RBFOX1: variants seen among roughly 807,000 people sequenced by gnomAD.
The protein encoded by RBFOX1 is RNA binding protein fox-1 homolog 1.
A neutral mutation model predicts 57.7 loss-of-function variants in RBFOX1; 8 were observed. That is an observed-to-expected ratio of 0.14 (90% CI 0.08 to 0.25). RBFOX1 has a LOEUF of 0.25. Among genes scored for constraint, RBFOX1 ranks in the 10% least tolerant of loss-of-function variants. The pLI is 1.00. For synonymous variants in RBFOX1, 326 were observed against 222.4 expected (o/e 1.47, Z -4.15); for missense variants, 611 against 548.5 (o/e 1.11, Z -1.14).
intron 4 of RBFOX1, among the ~76,000 whole-genome samples, chr16:7,217,031 C>CCCTCCCTT (rs2092197276): frequency 1.4e-5 from 1 of 71,558 alleles, no homozygotes; most frequent in Admixed American, 1.4e-4. Flanking sequence ...CTCCCTCCCT[C>CCCTCCCTT]CCTCCCTCCC....
At chr16:7,177,216 A>G (rs945732880) in intron 4 of RBFOX1, among the ~76,000 whole-genome samples, 1 of 152,322 alleles carries the variant, frequency 6.6e-6, no homozygotes, top group African/African-American at 2.4e-5. Context: ...ACCGCTTCCA[A>G]TCAAAGGGGA....
intron 3 of RBFOX1, among the ~76,000 whole-genome samples, chr16:6,793,024 A>G (rs1038845305): frequency 6.1e-5 from 8 of 131,160 alleles, no homozygotes; most frequent in Non-Finnish European, 1.4e-4. Context: ...GTGAGACTCC[A>G]TCTGAAAAAA....
At chr16:7,688,742 G>C (rs886464443) in intron 14 of RBFOX1, among the ~76,000 whole-genome samples, 1 of 152,086 alleles carries the variant, frequency 6.6e-6, no homozygotes, top group Non-Finnish European at 1.5e-5. Context: ...GATTAGTCAG[G>C]CTAGTGACAT....
chr16:7,272,698 G>C (rs1234158441), intron 4 of RBFOX1, among the ~76,000 whole-genome samples: 1 of 152,124 alleles, frequency 6.6e-6, no homozygotes, highest in Non-Finnish European at 1.5e-5. Flanking sequence ...AAACAAGGGA[G>C]AGGAGAGAGG....
chr16:7,041,420 T>C (rs533753298), intron 3 of RBFOX1, among the ~76,000 whole-genome samples: 2 of 152,300 alleles, frequency 1.3e-5, no homozygotes, highest in South Asian at 2.1e-4. Flanking sequence ...CTAATGTAGA[T>C]GAACCACAAT....
intron 2 of RBFOX1, among the ~76,000 whole-genome samples, chr16:6,632,480 C>A (rs935049214): frequency 2.6e-5 from 4 of 152,282 alleles, no homozygotes; most frequent in South Asian, 4.2e-4. Flanking sequence ...ATTTCCTTGG[C>A]TAAGTGTCTG....
In RBFOX1 at chr16:7,069,523, G is replaced by C. The variant is rs1439862872; in HGVS notation, c.27+17425G>C. Among the ~76,000 whole-genome samples, 4 of 152,170 alleles carry C rather than the reference G, an allele frequency of 2.6e-5. No homozygotes were observed. The East Asian group carries it at 5.8e-4, about 22-fold the overall frequency. ...TCATCTATGTCCTTGCAAAAGACAT[G>C]ATAGTGTGCTTTTACACTGAACCTC... On this transcript the variant is annotated intron_variant, in intron 4 of 15. Coordinates refer to ENST00000550418, the MANE Select transcript of RBFOX1 (RefSeq NM_018723.4).
chr16:5,605,854 A>C (rs150890647), intron 3 of RBFOX1, among the ~76,000 whole-genome samples: 1 of 152,068 alleles, frequency 6.6e-6, no homozygotes. Context: ...CCTTGAGAAC[A>C]GGAGGGGAGA....
At chr16:6,587,447 A>G (rs2097645733) in intron 2 of RBFOX1, among the ~76,000 whole-genome samples, 1 of 151,972 alleles carries the variant, frequency 6.6e-6, no homozygotes, top group African/African-American at 2.4e-5. Flanking sequence ...ATGCCTGGCT[A>G]ATTTTTGTAT....
At chr16:6,541,697 G>A (rs1438916262) in intron 2 of RBFOX1, among the ~76,000 whole-genome samples, 4 of 152,202 alleles carry the variant, frequency 2.6e-5, no homozygotes, top group Non-Finnish European at 4.4e-5. Context: ...GGCAAATGCT[G>A]TAGGTCAGAG....
chr16:5,659,567 T>C (rs1302081822), intron 3 of RBFOX1, among the ~76,000 whole-genome samples: 1 of 152,156 alleles, frequency 6.6e-6, no homozygotes, highest in Non-Finnish European at 1.5e-5. Flanking sequence ...CCTCCCAAAG[T>C]GCTGGGATTA....
At chr16:5,530,088 G>A (rs2044405288) in intron 2 of RBFOX1, among the ~76,000 whole-genome samples, 1 of 152,110 alleles carries the variant, frequency 6.6e-6, no homozygotes, top group African/African-American at 2.4e-5. Flanking sequence ...AATCACTCTT[G>A]TTTAAGCCAC....
chr16:5,812,553 G>A (rs2055472535), intron 3 of RBFOX1, among the ~76,000 whole-genome samples: 1 of 150,812 alleles, frequency 6.6e-6, no homozygotes, highest in Admixed American at 6.6e-5. Flanking sequence ...CGAACTCCTG[G>A]GCTCAGGGGG....
At chr16:6,511,502 T>C (rs1292003242) in intron 2 of RBFOX1, among the ~76,000 whole-genome samples, 1 of 152,194 alleles carries the variant, frequency 6.6e-6, no homozygotes, top group Non-Finnish European at 1.5e-5. Flanking sequence ...AAATTAGTTT[T>C]CATGTCTGCA....
intron 11 of RBFOX1, among the ~76,000 whole-genome samples, chr16:7,635,030 G>A (rs1011364786): frequency 1.3e-5 from 2 of 152,186 alleles, no homozygotes; most frequent in Non-Finnish European, 2.9e-5. Context: ...ATTCCATTCC[G>A]AAGGCCAGTG....
At chr16:6,385,970 C>A (rs1312659609) in intron 2 of RBFOX1, among the ~76,000 whole-genome samples, 1 of 148,890 alleles carries the variant, frequency 6.7e-6, no homozygotes, top group South Asian at 2.1e-4. Context: ...GAGTCTTGCT[C>A]TGTCGCCCAG....
chr16:6,623,648 T>A (rs2154047608), intron 2 of RBFOX1, among the ~76,000 whole-genome samples: 1 of 151,660 alleles, frequency 6.6e-6, no homozygotes, highest in East Asian at 2.0e-4. Context: ...CCTGTGTCCA[T>A]GTGTTCTCAT....
At chr16:6,586,562 G>A (rs896624419) in intron 2 of RBFOX1, among the ~76,000 whole-genome samples, 4 of 152,184 alleles carry the variant, frequency 2.6e-5, no homozygotes, top group African/African-American at 9.7e-5. Flanking sequence ...CTGGTTTGGG[G>A]CAAAGCTGAA....
At chr16:7,554,808 T>A (rs561689255) in intron 5 of RBFOX1, among the ~76,000 whole-genome samples, 1 of 152,300 alleles carries the variant, frequency 6.6e-6, no homozygotes, top group African/African-American at 2.4e-5. Flanking sequence ...GGCCACATTA[T>A]CACCATGTTC....
Sources: allele counts gnomAD v4.1 joint callset (sites outside exome capture counted in the v4.1 genomes callset), GRCh38; gene constraint gnomAD v4.1.1; transcripts MANE v1.5; gene names NCBI Gene and HGNC (gene_info 2026-07-23, HGNC 2026-07-21).